The following CEBPG variants were observed in gnomAD, a reference collection of about 807,000 sequenced individuals.
CEBPG encodes the protein CCAAT enhancer binding protein gamma.
A neutral mutation model predicts 11.1 loss-of-function variants in CEBPG; 6 were observed. The observed-to-expected ratio is 0.54, with a 90% confidence interval of 0.30 to 1.07. The LOEUF is 1.07. CEBPG is among the 50% of genes least tolerant of loss of function. The probability of loss-of-function intolerance (pLI) is 0.07; values close to 1 mark genes in which losing one functional copy is unlikely to be tolerated. For synonymous variants in CEBPG, 66 were observed against 71.0 expected, an observed-to-expected ratio of 0.93 and a Z score of 0.36; for missense variants, 161 against 187.4, an observed-to-expected ratio of 0.86 and a Z score of 0.82.
At position 33,379,440 on chromosome 19, in the gene CEBPG, A is replaced by G. The variant is rs572438897; in HGVS notation, c.201A>G (p.Gln67=). 5.4e-5 allele frequency: 87 copies of G among 1,614,146 alleles called. 1 individual carries two copies. The East Asian group carries it at 1.2e-3, about 22-fold the overall frequency. The change falls in exon 2 of 2, where the codon CAA becomes CAG. Residue 67 remains glutamine, a synonymous_variant. Transcript: ENST00000284000. ...PMDRNSDEYR[Q]RRERNNMAVK... is the part of the protein sequence containing the mutation. ...ATCGAAACAGTGACGAGTATCGGCA[A>G]CGCCGAGAGAGGAACAACATGGCTG...
At position 33,382,056 on chromosome 19, in the gene CEBPG, G is replaced by A. The variant is rs1184102586; in HGVS notation, c.*2364G>A. 1 of 167,116 alleles carries A rather than the reference G, an allele frequency of 6.0e-6. No homozygotes were observed. Among genetic ancestry groups the A allele is most frequent in the Non-Finnish European group, 1.5e-5 (1 of 68,124 alleles). 10.4% of individuals were successfully genotyped at this position (167,116 alleles called of 1,614,324 possible). A position where few individuals can be genotyped will look rare whatever the true frequency, so the allele number is the denominator to read the frequency against. ...AGGTGACTTTTGTAACTTTTGTTCT[G>A]TGTGTGACCTGTGAACCACTAGGAT... is the stretch of plus-strand genomic sequence containing the variant. On this transcript the variant is annotated 3_prime_UTR_variant, in exon 2 of 2. Coordinates refer to ENST00000284000, the MANE Select transcript of CEBPG (RefSeq NM_001806.4).
chr19:33,375,792 C>G (rs1967904816), intron 1 of CEBPG, among the ~76,000 whole-genome samples: 1 of 152,108 alleles, frequency 6.6e-6, no homozygotes. Context: ...AAAGCACAGA[C>G]CATTTAGGAT....
At chr19:33,375,874 C>T (rs574493172) in intron 1 of CEBPG, among the ~76,000 whole-genome samples, 8 of 152,162 alleles carry the variant, frequency 5.3e-5, no homozygotes, top group Non-Finnish European at 8.8e-5. Flanking sequence ...GGATTTGATC[C>T]TGTAGACTGG....
chr19:33,379,337 A>C lies in CEBPG; in HGVS notation c.98A>C (p.Gln33Pro), dbSNP rs1408763354. The change falls in exon 2 of 2, where the codon CAG (glutamine) becomes CCG (proline). Residue 33 changes from glutamine to proline, a missense_variant. By Grantham distance (76) the Gln-to-Pro change is moderately conservative. Coordinates refer to ENST00000284000, the MANE Select transcript of CEBPG (RefSeq NM_001806.4). ...GCCAGCGGCTTACAGCAGGTTCCTC[A>C]GCTGGTGCCTGCTGGCCCTGGGGGA... Reference protein sequence around the residue: ...AHASGLQQVPQLVPAGPGGGG... With the variant: ...AHASGLQQVPPLVPAGPGGGG... 2 of 1,613,922 alleles carry C rather than the reference A, an allele frequency of 1.2e-6. No homozygotes were observed.
intron 1 of CEBPG, among the ~76,000 whole-genome samples, chr19:33,375,308 A>G (rs1967898876): frequency 6.6e-6 from 1 of 152,150 alleles, no homozygotes; most frequent in African/African-American, 2.4e-5. Flanking sequence ...GCCCCTGGTA[A>G]AGACAAATAG....
At chr19:33,374,568 G>T (rs1362933427) in intron 1 of CEBPG, 1 of 152,250 alleles carries the variant, frequency 6.6e-6, no homozygotes, top group African/African-American at 2.4e-5. Context: ...GAAGCACTTC[G>T]CAGGCATAGT....
At position 33,381,517 on chromosome 19, in the gene CEBPG, T is replaced by C. The variant is rs1024722292; in HGVS notation, c.*1825T>C. The C allele has an allele frequency of 1.2e-4, 20 of 166,942 alleles. 1 individual carries two copies. 10.3% of individuals were successfully genotyped at this position (166,942 alleles called of 1,614,324 possible). A position where few individuals can be genotyped will look rare whatever the true frequency, so the allele number is the denominator to read the frequency against. On this transcript the variant is annotated 3_prime_UTR_variant, in exon 2 of 2. Coordinates refer to ENST00000284000, the MANE Select transcript of CEBPG (RefSeq NM_001806.4). The stretch of plus-strand genomic sequence containing the variant: ...TTACCTTGGAGTATGAATCTACCCA[T>C]GAAGGATGAGAGATGTTTTGAAAAA...
intron 1 of CEBPG, among the ~76,000 whole-genome samples, chr19:33,374,786 A>G (rs186683710): frequency 4.6e-5 from 7 of 152,322 alleles, no homozygotes; most frequent in East Asian, 3.9e-4. Context: ...AAAGGTCTCA[A>G]TGTTGATGGG....
In CEBPG at chr19:33,379,750, G is replaced by GTT; in HGVS notation, c.*58_*59insTT. 1.4e-6 allele frequency: 2 copies of GTT among 1,451,872 alleles called. No individual in the cohort carries two copies. Among genetic ancestry groups the GTT allele is most frequent in the Non-Finnish European group, 1.9e-6 (2 of 1,072,078 alleles). The allele number at this position is 1,451,872 out of a possible 1,614,324, so 89.9% of individuals were successfully genotyped here. ...CTTGAATGTTAAAGGTGTGACCACC[G>GTT]ACACCACTCATGTCAATGGCTGAAA... On this transcript the variant is annotated 3_prime_UTR_variant, in exon 2 of 2. Coordinates refer to ENST00000284000, the MANE Select transcript of CEBPG (RefSeq NM_001806.4).
In CEBPG at chr19:33,382,506, C is replaced by T. The variant is rs1968002442; in HGVS notation, c.*2814C>T. ...ATGCCTTAGGAGAATTGTTTTGTTT[C>T]ACAAAAGCTGGGAAGGAAGAAGTCC... On this transcript the variant is annotated 3_prime_UTR_variant, in exon 2 of 2. Transcript: ENST00000284000. 1 of 167,050 alleles carries T rather than the reference C, an allele frequency of 6.0e-6. No homozygotes were observed. The highest frequency in any genetic ancestry group is 2.1e-4 in the South Asian group (1 of 4,830). The allele number at this position is 167,050 out of a possible 1,614,324, so 10.3% of individuals were successfully genotyped here. A position where few individuals can be genotyped will look rare whatever the true frequency, so the allele number is the denominator to read the frequency against.
intron 1 of CEBPG, 75 bp from the exon 2 acceptor site, chr19:33,379,069 G>T: frequency 1.8e-6 from 1 of 550,136 alleles, no homozygotes. Context: ...TTGGCCTGAT[G>T]TTAGGTACGT....
At chr19:33,376,303 A>C (rs1022281022) in intron 1 of CEBPG, among the ~76,000 whole-genome samples, 2 of 152,162 alleles carry the variant, frequency 1.3e-5, no homozygotes, top group African/African-American at 4.8e-5. Flanking sequence ...GAAAAATTTG[A>C]TTTTGTTTTA....
intron 1 of CEBPG, among the ~76,000 whole-genome samples, chr19:33,376,150 A>T (rs1967909124): frequency 6.6e-6 from 1 of 152,188 alleles, no homozygotes; most frequent in South Asian, 2.1e-4. Context: ...CTATTTTGAA[A>T]TGTTGACCTT....
chr19:33,382,449 TG>T lies in CEBPG; in HGVS notation c.*2758del, dbSNP rs1432243702. 3.6e-5 allele frequency: 6 copies of T among 167,128 alleles called. No homozygotes were observed. Among genetic ancestry groups the T allele is most frequent in the African/African-American group, 1.4e-4 (6 of 41,464 alleles). The allele number at this position is 167,128 out of a possible 1,614,324, so 10.4% of individuals were successfully genotyped here. On this transcript the variant is annotated 3_prime_UTR_variant, in exon 2 of 2. Coordinates refer to ENST00000284000, the MANE Select transcript of CEBPG (RefSeq NM_001806.4). ...ATTAGAGGGCTTGAGACCTTGTACC[TG>T]AACAACCCATTTTGCACTCAGTGCT...
chr19:33,379,572 G>A lies in CEBPG; in HGVS notation c.333G>A (p.Leu111=). ...NERLEAKIKL[L]TKELSVLKDL... ...GGTTGGAAGCAAAAATCAAATTGCT[G>A]ACCAAGGAATTAAGTGTACTCAAAG... The change falls in exon 2 of 2, where the codon CTG becomes CTA. Residue 111 remains leucine, a synonymous_variant. Coordinates refer to ENST00000284000, the MANE Select transcript of CEBPG (RefSeq NM_001806.4). 2.5e-6 allele frequency: 4 copies of A among 1,613,934 alleles called. No individual in the cohort carries two copies. The highest frequency in any genetic ancestry group is 3.4e-6 in the Non-Finnish European group (4 of 1,179,924).
chr19:33,379,193 C>A lies in CEBPG; in HGVS notation c.-47C>A. The A allele has an allele frequency of 6.7e-7, 1 of 1,482,040 alleles. No homozygotes were observed. The highest frequency in any genetic ancestry group is 2.3e-5 in the East Asian group (1 of 43,436). The allele number at this position is 1,482,040 out of a possible 1,614,324, so 91.8% of individuals were successfully genotyped here. A position where few individuals can be genotyped will look rare whatever the true frequency, so the allele number is the denominator to read the frequency against. On this transcript the variant is annotated 5_prime_UTR_variant, in exon 2 of 2. In the 5' UTR this introduces an upstream ATG that the reference lacks. Transcript: ENST00000284000. ...CTTAGCGTGGAAACCATTGATCACC[C>A]TGCTCTCATTTCTACCTGTTCTGTG...
rs77197579 is a variant in CEBPG, at chr19:33,379,434, T to C, written c.195T>C (p.Tyr65=). The C allele has an allele frequency of 1.5e-4, 240 of 1,613,392 alleles. No homozygotes were observed. In the African/African-American group the frequency reaches 2.3e-3, roughly 15 times the overall value. Residue 65 remains tyrosine, a synonymous_variant, in exon 2 of 2, where the codon TAT becomes TAC. Transcript: ENST00000284000. ...SSPMDRNSDE[Y]RQRRERNNMA... is the part of the protein sequence containing the mutation. ...CCATGGATCGAAACAGTGACGAGTA[T>C]CGGCAACGCCGAGAGAGGAACAACA...
chr19:33,379,274 G>T lies in CEBPG; in HGVS notation c.35G>T (p.Gly12Val). ...SKISQQNSTP[G>V]VNGISVIHTQ... ...ATATCGCAGCAAAACAGCACTCCAG[G>T]GGTGAACGGAATTAGTGTTATCCAT... The change falls in exon 2 of 2, where the codon GGG becomes GTG. Residue 12 changes from glycine to valine, a missense_variant. Gly to Val is a moderately radical substitution (Grantham distance 109). Coordinates refer to ENST00000284000, the MANE Select transcript of CEBPG (RefSeq NM_001806.4). 1 of 1,582,308 alleles carries T rather than the reference G, an allele frequency of 6.3e-7. No homozygotes were observed. Among genetic ancestry groups the T allele is most frequent in the Non-Finnish European group, 8.6e-7 (1 of 1,163,512 alleles).
At position 33,378,823 on chromosome 19, in the gene CEBPG, G is replaced by C. The variant is rs1600063740; in HGVS notation, c.-96-321G>C. Among the ~76,000 whole-genome samples the C allele has an allele frequency of 2.6e-5, 4 of 152,336 alleles. 1 individual carries two copies. In the South Asian group the frequency reaches 8.3e-4, roughly 32 times the overall value. ...AGTCAGCTGCAGCTCCTCCCTGGGA[G>C]ATTGTCAAGTGCTGTTAGTTCACAT... is the stretch of plus-strand genomic sequence containing the variant. On this transcript the variant is annotated intron_variant, in intron 1 of 1. Coordinates refer to ENST00000284000, the MANE Select transcript of CEBPG (RefSeq NM_001806.4).
Sources: gnomAD v4.1 joint callset for allele counts (sites outside exome capture counted in the v4.1 genomes callset) on GRCh38, gnomAD v4.1.1 for gene constraint, MANE v1.5 for transcripts, NCBI Gene and HGNC (gene_info 2026-07-23, HGNC 2026-07-21) for gene names.